PRDM10: variants seen among roughly 807,000 people sequenced by gnomAD.
PRDM10 encodes the protein PR/SET domain 10, also known as PR domain zinc finger protein 10.
Under a neutral mutation model 133.1 loss-of-function variants are expected in PRDM10, and 65 were observed. The observed-to-expected ratio is 0.49, with a 90% CI of 0.40 to 0.60. The LOEUF (loss-of-function observed/expected upper bound fraction) is 0.60. PRDM10 is among the 20% of genes least tolerant of loss of function. The pLI is 0.00. For synonymous variants in PRDM10, 582 were observed against 580.4 expected (o/e 1.00, Z -0.04); for missense variants, 1,137 against 1,507.1 (o/e 0.75, Z 4.07).
chr11:129,946,011 C>A (rs953523812), intron 5 of PRDM10, among the ~76,000 whole-genome samples: 1 of 151,556 alleles, frequency 6.6e-6, no homozygotes, highest in Non-Finnish European at 1.5e-5. Context: ...CTGAGGTGGG[C>A]GGATCACTTG....
chr11:129,982,497 T>C (rs1280451639), intron 1 of PRDM10, among the ~76,000 whole-genome samples: 1 of 152,086 alleles, frequency 6.6e-6, no homozygotes, highest in African/African-American at 2.4e-5. Flanking sequence ...AAGATACATA[T>C]ACATTCACAC....
chr11:129,992,588 TAGACTTGATCTCGAGGGA>T (rs1359105023), intron 1 of PRDM10, among the ~76,000 whole-genome samples: 2 of 152,204 alleles, frequency 1.3e-5, no homozygotes, highest in African/African-American at 4.8e-5. Context: ...ATCACCAGGT[TAGACTTGATCTCGAGGGA>T]ACCAGAGGAG....
chr11:129,910,583 C>G lies in PRDM10; in HGVS notation c.3056G>C (p.Ser1019Thr). Residue 1019 changes from serine (S) to threonine (T), a missense_variant, in exon 19 of 21, where the codon AGT becomes ACT. By Grantham distance (58) the Ser-to-Thr change is moderately conservative. Around this residue, in one of 6 missense-constraint regions of PRDM10, gnomAD observed 243 missense variants for 259.2 expected, o/e 0.94. Coordinates refer to ENST00000360871, the MANE Select transcript of PRDM10 (RefSeq NM_199437.2). ...QGLSPSHIQG[S>T]SSTQGQALQQ... Reference sequence around the variant, plus strand: ...CAGAGCCTGCCCCTGTGTGGAAGAACTGCCCTGGATGTGGGAGGGGCTGAG... The same window carrying G: ...CAGAGCCTGCCCCTGTGTGGAAGAAGTGCCCTGGATGTGGGAGGGGCTGAG... The G allele has an allele frequency of 6.2e-7, 1 of 1,614,050 alleles. No homozygotes were observed. The highest frequency in any genetic ancestry group is 1.6e-4 in the Middle Eastern group (1 of 6,062).
At chr11:129,917,264 G>A (rs1180313181) in intron 14 of PRDM10, 27 bp from the exon 15 acceptor site, 2 of 1,534,964 alleles carry the variant, frequency 1.3e-6, no homozygotes, top group Non-Finnish European at 1.8e-6. Context: ...GAACCAATGA[G>A]AAAAAGAGAC....
chr11:129,944,438 A>T (rs921174664), intron 6 of PRDM10, among the ~76,000 whole-genome samples: 1 of 151,978 alleles, frequency 6.6e-6, no homozygotes, highest in Non-Finnish European at 1.5e-5. Flanking sequence ...AAAAGAAATT[A>T]GCCGGGCGTG....
In PRDM10 at chr11:129,932,095, C is replaced by G. The variant is rs1212416369; in HGVS notation, c.1287+7G>C. 7 of 1,613,418 alleles carry G rather than the reference C, an allele frequency of 4.3e-6. No homozygotes were observed. The East Asian group carries it at 1.6e-4, about 36-fold the overall frequency. On this transcript the variant is annotated splice_region_variant and intron_variant, in intron 10 of 20. Transcript: ENST00000360871. ...CCTAAGGAGGGCTCCTTCCCGTCCC[C>G]CCGTACCTGTGTCCCATCGTCACTC...
intron 3 of PRDM10, 53 bp from the exon 4 acceptor site, chr11:129,955,624 T>G: frequency 3.2e-6 from 5 of 1,566,922 alleles, no homozygotes; most frequent in Non-Finnish European, 4.4e-6. Context: ...ATAGCCTGCC[T>G]ACACAGAAAA....
intron 1 of PRDM10, among the ~76,000 whole-genome samples, chr11:129,972,028 C>T (rs1402840824): frequency 6.6e-6 from 1 of 152,236 alleles, no homozygotes; most frequent in Non-Finnish European, 1.5e-5. Context: ...CGCCAGTGGG[C>T]CGGGACCCAG....
At position 129,931,017 on chromosome 11, in the gene PRDM10, C is replaced by T. The variant is rs1950836327; in HGVS notation, c.1529G>A (p.Arg510Gln). 2 of 1,600,812 alleles carry T rather than the reference C, an allele frequency of 1.2e-6. No homozygotes were observed. Among genetic ancestry groups the T allele is most frequent in the Non-Finnish European group, 8.5e-7 (1 of 1,172,726 alleles). Residue 510 changes from arginine (R) to glutamine (Q), a missense_variant and splice_region_variant, in exon 11 of 21, where the codon CGA becomes CAA. This residue lies in a region of PRDM10 where 635 missense variants were observed against 835.2 expected (regional missense o/e 0.76). Transcript: ENST00000360871. The part of the protein sequence containing the change: ...ADDMRRAKRI[R>Q]NAALQHLFIR... ...GAGCCGCCGGCTTTCCCCACTTACTCGGATGCGCTTGGCTCTGCGCATGTC... is the reference window on the plus strand; with the variant it reads ...GAGCCGCCGGCTTTCCCCACTTACTTGGATGCGCTTGGCTCTGCGCATGTC...
At chr11:129,992,860 C>T (rs1159313315) in intron 1 of PRDM10, among the ~76,000 whole-genome samples, 3 of 152,188 alleles carry the variant, frequency 2.0e-5, no homozygotes, top group Non-Finnish European at 4.4e-5. Flanking sequence ...CATTTATTCA[C>T]CATTGTTCTA....
chr11:129,950,466 G>A (rs537638973), intron 4 of PRDM10, among the ~76,000 whole-genome samples: 11 of 152,266 alleles, frequency 7.2e-5, no homozygotes, highest in African/African-American at 2.6e-4. Flanking sequence ...TACGGGGGAA[G>A]CCAAATTCTG....
In PRDM10 at chr11:129,915,869, G is replaced by T. The variant is rs746212487; in HGVS notation, c.2326-9C>A. 1 of 1,611,690 alleles carries T rather than the reference G, an allele frequency of 6.2e-7. No individual in the cohort carries two copies. The highest frequency in any genetic ancestry group is 8.5e-7 in the Non-Finnish European group (1 of 1,178,806). On this transcript the variant is annotated splice_polypyrimidine_tract_variant and intron_variant, in intron 15 of 20. Transcript: ENST00000360871. ...CTGGCACTTTTATAAACCTGCAAAT[G>T]TAAGCGCCTTGCCATGAAAGCAGTA...
At chr11:129,984,566 C>T (rs538588381) in intron 1 of PRDM10, among the ~76,000 whole-genome samples, 10 of 152,226 alleles carry the variant, frequency 6.6e-5, no homozygotes, top group African/African-American at 2.4e-4. Flanking sequence ...CCTGAGACGG[C>T]ACATTCTAGA....
intron 6 of PRDM10, among the ~76,000 whole-genome samples, chr11:129,944,397 A>AT (rs1555108557): frequency 8.4e-4 from 128 of 152,052 alleles, no homozygotes; most frequent in East Asian, 2.7e-3. Context: ...GATCGAGACC[A>AT]CGGTGAAACC....
At chr11:129,974,124 C>T (rs1402357501) in intron 1 of PRDM10, among the ~76,000 whole-genome samples, 1 of 152,170 alleles carries the variant, frequency 6.6e-6, no homozygotes, top group East Asian at 1.9e-4. Context: ...AATATGGAGA[C>T]AAGAACAGTA....
intron 1 of PRDM10, among the ~76,000 whole-genome samples, chr11:129,975,461 C>T (rs564082124): frequency 2.5e-4 from 38 of 152,050 alleles, no homozygotes; most frequent in East Asian, 3.9e-4. Context: ...AATAGTTAAA[C>T]GGTAAATTTC....
chr11:129,913,879 AAAC>A (rs1405148502), intron 17 of PRDM10, among the ~76,000 whole-genome samples: 1 of 152,248 alleles, frequency 6.6e-6, no homozygotes, highest in Non-Finnish European at 1.5e-5. Flanking sequence ...TAATTAAATG[AAAC>A]AATAGTTCTG....
At chr11:129,970,765 C>T (rs143177962) in intron 1 of PRDM10, among the ~76,000 whole-genome samples, 10,956 of 151,972 alleles carry the variant, frequency 0.072, 584 homozygotes, top group Admixed American at 0.18. Flanking sequence ...AGGTTGGTCT[C>T]GAACTCCTGA....
chr11:129,967,095 G>C (rs545902531), intron 1 of PRDM10, among the ~76,000 whole-genome samples: 1 of 152,238 alleles, frequency 6.6e-6, no homozygotes, highest in Admixed American at 6.5e-5. Flanking sequence ...CTAAATGACA[G>C]AAAGCACTTG....
Sources: allele counts gnomAD v4.1 joint callset (sites outside exome capture counted in the v4.1 genomes callset), GRCh38; gene constraint gnomAD v4.1.1; regional missense constraint gnomAD v4.1.1; transcripts MANE v1.5; gene names NCBI Gene and HGNC (gene_info 2026-07-23, HGNC 2026-07-21).